The following ITGA8 variants were observed in gnomAD, a reference collection of about 807,000 sequenced individuals.
ITGA8 encodes integrin alpha-8.
Under a neutral mutation model 142.3 loss-of-function variants are expected in ITGA8, and 91 were observed. That is an observed-to-expected ratio of 0.64 (90% CI 0.54 to 0.76). The LOEUF (loss-of-function observed/expected upper bound fraction) is 0.76, where lower values mean the gene tolerates loss of function less well. ITGA8 is among the 30% of genes least tolerant of loss of function. The pLI is 0.00. For missense variants in ITGA8, 1,406 were observed against 1,327.7 expected, an observed-to-expected ratio of 1.06 and a Z score of -0.92; for synonymous variants, 505 against 485.2, an observed-to-expected ratio of 1.04 and a Z score of -0.54.
At chr10:15,710,683 AC>A (rs1404809665) in intron 2 of ITGA8, among the ~76,000 whole-genome samples, 1 of 152,204 alleles carries the variant, frequency 6.6e-6, no homozygotes, top group Non-Finnish European at 1.5e-5. Flanking sequence ...CAGTTGTGTA[AC>A]TAGCGAGGCA....
chr10:15,701,023 A>C (rs913569843), intron 2 of ITGA8, among the ~76,000 whole-genome samples: 1 of 152,152 alleles, frequency 6.6e-6, no homozygotes, highest in African/African-American at 2.4e-5. Context: ...TCACCTCTGC[A>C]TTTTCCAGTG....
At chr10:15,570,000 ACT>A (rs1834149041) in intron 25 of ITGA8, among the ~76,000 whole-genome samples, 1 of 151,720 alleles carries the variant, frequency 6.6e-6, no homozygotes, top group South Asian at 2.1e-4. Flanking sequence ...ACTAATGTAA[ACT>A]CTCTTGATTA....
At chr10:15,617,203 G>A (rs1487078482) in intron 13 of ITGA8, among the ~76,000 whole-genome samples, 2 of 152,122 alleles carry the variant, frequency 1.3e-5, no homozygotes, top group Non-Finnish European at 2.9e-5. Flanking sequence ...CAAGAAGGTA[G>A]GAGGTCTTTA....
At position 15,718,836 on chromosome 10, in the gene ITGA8, TC is replaced by T. The variant is rs771729868; in HGVS notation, c.272del (p.Gly91GlufsTer50). ...NTSQPDIVEG[G>X]AVYYCPWPAE... ...CGGGCCAAGGACAGTAATAGACGGC[TC>T]CCCCTTCCACGATATCGGGCTGGCT... On this transcript the variant is annotated frameshift_variant, in exon 2 of 30. Coordinates refer to ENST00000378076, the MANE Select transcript of ITGA8 (RefSeq NM_003638.3). LOFTEE classifies it high-confidence loss of function. 6 of 1,613,928 alleles carry T rather than the reference TC, an allele frequency of 3.7e-6. No individual in the cohort carries two copies. The East Asian group carries it at 1.3e-4, about 36-fold the overall frequency.
intron 2 of ITGA8, among the ~76,000 whole-genome samples, chr10:15,718,134 G>T (rs1835487747): frequency 6.6e-6 from 1 of 152,180 alleles, no homozygotes; most frequent in Non-Finnish European, 1.5e-5. Flanking sequence ...AACACCAGAG[G>T]AAACGTAACC....
At chr10:15,717,241 G>A (rs371638136) in intron 2 of ITGA8, among the ~76,000 whole-genome samples, 26 of 152,272 alleles carry the variant, frequency 1.7e-4, no homozygotes, top group African/African-American at 5.3e-4. Context: ...GCTTCTTGGT[G>A]AAAACACATC....
intron 27 of ITGA8, among the ~76,000 whole-genome samples, chr10:15,538,511 C>CAAAAAA (rs1728251925): frequency 8.9e-5 from 3 of 33,534 alleles, no homozygotes; most frequent in Non-Finnish European, 1.4e-4. Flanking sequence ...GACTCCGTCT[C>CAAAAAA]GAAAAAAAAA....
intron 23 of ITGA8, among the ~76,000 whole-genome samples, chr10:15,580,778 A>C (rs1365925065): frequency 6.6e-6 from 1 of 152,232 alleles, no homozygotes; most frequent in Non-Finnish European, 1.5e-5. Context: ...GAACATCCTC[A>C]ACTTGATAAA....
chr10:15,710,002 C>T (rs568936629), intron 2 of ITGA8, among the ~76,000 whole-genome samples: 1 of 152,256 alleles, frequency 6.6e-6, no homozygotes, highest in East Asian at 1.9e-4. Context: ...AGCTTTAATT[C>T]TGATCTTTTA....
chr10:15,620,540 A>C (rs1392359720), intron 13 of ITGA8, among the ~76,000 whole-genome samples: 1 of 152,206 alleles, frequency 6.6e-6, no homozygotes, highest in Non-Finnish European at 1.5e-5. Context: ...CTTCATGAGA[A>C]TGTGGTCACG....
intron 23 of ITGA8, among the ~76,000 whole-genome samples, chr10:15,576,078 G>A (rs2131584075): frequency 6.6e-6 from 1 of 152,150 alleles, no homozygotes; most frequent in African/African-American, 2.4e-5. Flanking sequence ...TGTGTTAAAT[G>A]TCCAGTTATG....
At chr10:15,674,896 CACT>C (rs1834597370) in intron 6 of ITGA8, among the ~76,000 whole-genome samples, 2 of 150,728 alleles carry the variant, frequency 1.3e-5, no homozygotes, top group South Asian at 4.2e-4. Context: ...GCCAAGATCA[CACT>C]ACTGTACTCC....
At chr10:15,518,256 G>A (rs1018376233) in intron 29 of ITGA8, among the ~76,000 whole-genome samples, 8 of 152,154 alleles carry the variant, frequency 5.3e-5, no homozygotes, top group African/African-American at 1.7e-4. Flanking sequence ...CAATTAACTG[G>A]GTTTGGCTTA....
chr10:15,649,694 G>T (rs528258129), intron 11 of ITGA8, among the ~76,000 whole-genome samples: 10 of 151,270 alleles, frequency 6.6e-5, no homozygotes, highest in Middle Eastern at 3.4e-3. Flanking sequence ...AAGCTTATCA[G>T]AAGACACTCA....
chr10:15,659,843 C>T (rs1391090944), intron 9 of ITGA8, among the ~76,000 whole-genome samples: 1 of 152,136 alleles, frequency 6.6e-6, no homozygotes, highest in Non-Finnish European at 1.5e-5. Flanking sequence ...CCAAGGAATG[C>T]CAGGGACCAT....
Position 15,641,496 on chromosome 10 carries a change from T to C in ITGA8, c.1399+2534A>G, listed in dbSNP as rs145558648. Among the ~76,000 whole-genome samples, 255 of 152,290 alleles carry C rather than the reference T, an allele frequency of 1.7e-3. 1 individual carries two copies. The highest frequency in any genetic ancestry group is 5.9e-3 in the African/African-American group (245 of 41,568). On this transcript the variant is annotated intron_variant, in intron 13 of 29. Coordinates refer to ENST00000378076, the MANE Select transcript of ITGA8 (RefSeq NM_003638.3). The stretch of plus-strand genomic sequence containing the variant: ...TGCTATGAAGTTAAAAAGGCTTCTT[T>C]GAATGGCATTCTTTTTGCTAGAGGA...
At chr10:15,572,877 G>A (rs190915052) in intron 24 of ITGA8, among the ~76,000 whole-genome samples, 51 of 152,230 alleles carry the variant, frequency 3.4e-4, no homozygotes, top group South Asian at 1.2e-3. Context: ...TTTCGAGTGC[G>A]TGTTTCAAAG....
intron 28 of ITGA8, among the ~76,000 whole-genome samples, chr10:15,528,989 T>C (rs548550984): frequency 1.5e-4 from 21 of 138,346 alleles, no homozygotes; most frequent in African/African-American, 4.9e-4. Flanking sequence ...CTTCTTTCTT[T>C]CCTTCCTTCT....
At chr10:15,659,794 T>A (rs1834251874) in intron 9 of ITGA8, among the ~76,000 whole-genome samples, 1 of 152,056 alleles carries the variant, frequency 6.6e-6, no homozygotes, top group Non-Finnish European at 1.5e-5. Flanking sequence ...GAAGGCCACA[T>A]GAGGATGGAG....
Sources: allele counts gnomAD v4.1 joint callset (sites outside exome capture counted in the v4.1 genomes callset), GRCh38; gene constraint gnomAD v4.1.1; transcripts MANE v1.5; gene names NCBI Gene and HGNC (gene_info 2026-07-23, HGNC 2026-07-21).